TMEM232: variants seen among roughly 807,000 people sequenced by gnomAD.
TMEM232 encodes transmembrane protein 232.
In TMEM232, 80 loss-of-function variants were observed where a neutral mutation model predicts 78.8. The ratio of observed to expected loss-of-function variants is 1.01; its 90% CI spans 0.85 to 1.22. The LOEUF (loss-of-function observed/expected upper bound fraction) is 1.22, where lower values mean the gene tolerates loss of function less well. Ranked by LOEUF, TMEM232 falls within the 50% of genes most tolerant of loss-of-function variation. The probability of loss-of-function intolerance (pLI) is 0.00; values close to 1 mark genes in which losing one functional copy is unlikely to be tolerated. For synonymous variants in TMEM232, 297 were observed against 254.3 expected, an observed-to-expected ratio of 1.17 and a Z score of -1.60; for missense variants, 881 against 742.2, an observed-to-expected ratio of 1.19 and a Z score of -2.17.
At chr5:110,617,768 G>C (rs1783121187) in intron 8 of TMEM232, 1 of 152,876 alleles carries the variant, frequency 6.5e-6, no homozygotes, top group South Asian at 2.1e-4. Flanking sequence ...CCGGAGACCA[G>C]GCTAGGCAAC....
chr5:110,396,618 A>C (rs1755398886), intron 3 of TMEM232, among the ~76,000 whole-genome samples: 1 of 152,102 alleles, frequency 6.6e-6, no homozygotes, highest in Non-Finnish European at 1.5e-5. Flanking sequence ...TGAGGAGCTC[A>C]CAAATCAGTG....
intron 12 of TMEM232, among the ~76,000 whole-genome samples, chr5:110,526,938 A>G (rs1026659463): frequency 3.1e-4 from 47 of 151,944 alleles, no homozygotes; most frequent in Non-Finnish European, 1.8e-4. Flanking sequence ...AGGCTAAATG[A>G]CAAATGCAAG....
intron 2 of TMEM232, among the ~76,000 whole-genome samples, chr5:110,398,936 G>T (rs954903549): frequency 7.2e-5 from 11 of 152,138 alleles, no homozygotes; most frequent in Admixed American, 3.3e-4. Flanking sequence ...TGTGGCAGAA[G>T]TAGCAGCATC....
chr5:110,584,205 T>G (rs1449345117), intron 10 of TMEM232, among the ~76,000 whole-genome samples: 1 of 151,836 alleles, frequency 6.6e-6, no homozygotes, highest in Non-Finnish European at 1.5e-5. Context: ...ATTACCATAT[T>G]CATTGCAGCA....
At chr5:110,389,051 AG>A (rs897745803) in intron 4 of TMEM232, among the ~76,000 whole-genome samples, 1 of 152,144 alleles carries the variant, frequency 6.6e-6, no homozygotes, top group African/African-American at 2.4e-5. Context: ...ATCTGAAGTT[AG>A]GAGTTCAAGA....
intron 12 of TMEM232, among the ~76,000 whole-genome samples, chr5:110,436,747 T>C (rs1758479945): frequency 6.6e-6 from 1 of 152,096 alleles, no homozygotes; most frequent in African/African-American, 2.4e-5. Flanking sequence ...GGCATCTTTA[T>C]TGAAAATGAG....
intron 12 of TMEM232, among the ~76,000 whole-genome samples, chr5:110,496,659 C>T (rs1438698): frequency 0.32 from 49,222 of 151,698 alleles, 13,908 homozygotes; most frequent in African/African-American, 0.76. Flanking sequence ...CCTCTTTGTC[C>T]GCAAGGCTCA....
intron 7 of TMEM232, among the ~76,000 whole-genome samples, chr5:110,621,296 C>A (rs900940069): frequency 6.6e-6 from 1 of 152,076 alleles, no homozygotes; most frequent in Non-Finnish European, 1.5e-5. Context: ...GTGCAGAAGA[C>A]CAAGAGTGAG....
At chr5:110,494,570 T>C (rs979852935) in intron 12 of TMEM232, among the ~76,000 whole-genome samples, 1 of 152,036 alleles carries the variant, frequency 6.6e-6, no homozygotes, top group African/African-American at 2.4e-5. Flanking sequence ...TACATGCATA[T>C]ATCCTGTGAC....
At chr5:110,546,476 C>G (rs1773796151) in intron 11 of TMEM232, among the ~76,000 whole-genome samples, 1 of 151,940 alleles carries the variant, frequency 6.6e-6, no homozygotes, top group Non-Finnish European at 1.5e-5. Flanking sequence ...ATTCCTTCCC[C>G]TTAGAATGTA....
At chr5:110,717,490 C>A (rs1181611753) in intron 1 of TMEM232, among the ~76,000 whole-genome samples, 1 of 152,084 alleles carries the variant, frequency 6.6e-6, no homozygotes, top group Non-Finnish European at 1.5e-5. Flanking sequence ...TGCTCAAATC[C>A]CATCTGACAA....
chr5:110,686,459 G>A (rs1209230595), intron 1 of TMEM232, among the ~76,000 whole-genome samples: 1 of 151,962 alleles, frequency 6.6e-6, no homozygotes, highest in Non-Finnish European at 1.5e-5. Context: ...CAAGTCTTCA[G>A]ATGACTAGAG....
intron 2 of TMEM232, among the ~76,000 whole-genome samples, chr5:110,409,296 C>T (rs1340982402): frequency 6.6e-6 from 1 of 152,114 alleles, no homozygotes; most frequent in African/African-American, 2.4e-5. Flanking sequence ...TTTTAAATAG[C>T]AATTCAACAC....
intron 1 of TMEM232, among the ~76,000 whole-genome samples, chr5:110,715,109 A>G (rs912907781): frequency 6.6e-6 from 1 of 152,146 alleles, no homozygotes; most frequent in Non-Finnish European, 1.5e-5. Flanking sequence ...CCAATAAACA[A>G]TATACCTAAA....
intron 10 of TMEM232, among the ~76,000 whole-genome samples, chr5:110,601,861 A>G (rs1437119769): frequency 6.6e-6 from 1 of 152,200 alleles, no homozygotes; most frequent in Non-Finnish European, 1.5e-5. Context: ...AAAGAGAACA[A>G]AGCTGGAGGC....
chr5:110,632,257 T>C (rs1580434320), intron 5 of TMEM232, among the ~76,000 whole-genome samples: 1 of 151,832 alleles, frequency 6.6e-6, no homozygotes, highest in African/African-American at 2.4e-5. Context: ...TCCTCCACTG[T>C]GAAAGCAAAT....
intron 1 of TMEM232, among the ~76,000 whole-genome samples, chr5:110,699,668 AT>A (rs141073387): frequency 0.021 from 3,204 of 152,170 alleles, 37 homozygotes; most frequent in Admixed American, 0.024. Context: ...TGAAAAAATT[AT>A]TCAAAGTTTC....
chr5:110,643,477 T>C (rs1259868498), intron 2 of TMEM232, among the ~76,000 whole-genome samples: 1 of 151,852 alleles, frequency 6.6e-6, no homozygotes, highest in Non-Finnish European at 1.5e-5. Context: ...GACAAATAAG[T>C]TGAAAGTGTA....
intron 12 of TMEM232, among the ~76,000 whole-genome samples, chr5:110,508,549 C>T (rs1440774339): frequency 1.3e-5 from 2 of 151,332 alleles, no homozygotes; most frequent in East Asian, 3.9e-4. Flanking sequence ...CTCATGCCCT[C>T]CTTCTGGTCA....
Sources: gnomAD v4.1 joint callset for allele counts (sites outside exome capture counted in the v4.1 genomes callset) on GRCh38, gnomAD v4.1.1 for gene constraint, MANE v1.5 for transcripts, NCBI Gene and HGNC (gene_info 2026-07-23, HGNC 2026-07-21) for gene names.